Variants in RPL10A observed in about 807,000 individuals in gnomAD.
The protein encoded by RPL10A is large ribosomal subunit protein uL1.
In RPL10A, 11 loss-of-function variants were observed where a neutral mutation model predicts 24.6. The ratio of observed to expected loss-of-function variants is 0.45; its 90% CI spans 0.28 to 0.74. The LOEUF is 0.74. Among genes scored for constraint, RPL10A ranks in the 30% least tolerant of loss-of-function variants. The pLI is 0.13. For synonymous variants in RPL10A, 98 were observed against 108.5 expected, an observed-to-expected ratio of 0.90 and a Z score of 0.60; for missense variants, 136 against 273.1, an observed-to-expected ratio of 0.50 and a Z score of 3.54.
In RPL10A at chr6:35,470,091, A is replaced by G. The variant is rs1767995797; in HGVS notation, c.311-88A>G. ...TGCTTGGAGGTCACTTACATGATTG[A>G]TTCAAGTGCGTTTCTGGCCTGCCAC... On this transcript the variant is annotated intron_variant, in intron 4 of 5. Coordinates refer to ENST00000322203, the MANE Select transcript of RPL10A (RefSeq NM_007104.5). This position sits in a 1 kb window ranked among gnomAD's most constrained non-coding sequence, Gnocchi z 4.6. The G allele has an allele frequency of 1.6e-6, 2 of 1,261,626 alleles. No individual in the cohort carries two copies. The highest frequency in any genetic ancestry group is 2.4e-5 in the East Asian group (1 of 42,524). The allele number at this position is 1,261,626 out of a possible 1,614,324, so 78.2% of individuals were successfully genotyped here.
intron 1 of RPL10A, 92 bp from the exon 2 acceptor site, chr6:35,468,707 G>T: frequency 6.5e-7 from 1 of 1,536,922 alleles, no homozygotes; most frequent in Non-Finnish European, 8.8e-7. Context: ...TGGGCCGCCC[G>T]CCCGTCTCGA....
Position 35,470,468 on chromosome 6 carries a change from C to T in RPL10A, c.484-112C>T, listed in dbSNP as rs1360414510. 6.7e-7 allele frequency: 1 copy of T among 1,493,922 alleles called. No individual in the cohort carries two copies. The allele number at this position is 1,493,922 out of a possible 1,614,324, so 92.5% of individuals were successfully genotyped here. A position where few individuals can be genotyped will look rare whatever the true frequency, so the allele number is the denominator to read the frequency against. On this transcript the variant is annotated intron_variant, in intron 5 of 5. Coordinates refer to ENST00000322203, the MANE Select transcript of RPL10A (RefSeq NM_007104.5). The surrounding 1 kb of genome is among the most constrained non-coding windows in gnomAD (Gnocchi z 4.6). ...CAGGATTGAAACTTTTGGAGTAACC[C>T]TGGTCTTGGCCCGGGTCCAAGTACC...
Position 35,470,412 on chromosome 6 carries a change from A to G in RPL10A, c.483+61A>G. 1 of 1,558,124 alleles carries G rather than the reference A, an allele frequency of 6.4e-7. No individual in the cohort carries two copies. The highest frequency in any genetic ancestry group is 8.7e-7 in the Non-Finnish European group (1 of 1,150,400). On this transcript the variant is annotated intron_variant, in intron 5 of 5. Transcript: ENST00000322203. This position sits in a 1 kb window ranked among gnomAD's most constrained non-coding sequence, Gnocchi z 4.6. ...GTTGGCAGGGTCTAAATCTTATCCA[A>G]GTCTCTAAATATGCCAGTAAGAGCA...
rs1188185408 is a variant in RPL10A at position 35,470,400 on chromosome 6, A to G, written c.483+49A>G. 6.4e-7 allele frequency: 1 copy of G among 1,571,972 alleles called. No homozygotes were observed. Among genetic ancestry groups the G allele is most frequent in the Non-Finnish European group, 8.6e-7 (1 of 1,159,540 alleles). The stretch of plus-strand genomic sequence containing the variant: ...ATGGGTGAAGGTGTTGGCAGGGTCT[A>G]AATCTTATCCAAGTCTCTAAATATG... On this transcript the variant is annotated intron_variant, in intron 5 of 5. Transcript: ENST00000322203. The surrounding 1 kb of genome is among the most constrained non-coding windows in gnomAD (Gnocchi z 4.6).
chr6:35,469,436 C>T lies in RPL10A; in HGVS notation c.217C>T (p.His73Tyr). The T allele has an allele frequency of 6.2e-7, 1 of 1,613,162 alleles. No individual in the cohort carries two copies. Among genetic ancestry groups the T allele is most frequent in the Non-Finnish European group, 8.5e-7 (1 of 1,179,882 alleles). The change falls in exon 4 of 6, where the codon CAC (histidine) becomes TAC (tyrosine). Residue 73 changes from histidine to tyrosine, a missense_variant. His to Tyr is a moderately conservative substitution (Grantham distance 83). Around this residue, in one of 3 missense-constraint regions of RPL10A, gnomAD observed 88 missense variants for 149.2 expected, o/e 0.59. Coordinates refer to ENST00000322203, the MANE Select transcript of RPL10A (RefSeq NM_007104.5). Reference sequence around the variant, plus strand: ...TGTGTGTGTCCTGGGGGACCAGCAGCACTGTGACGAGGCTAAGGCCGTGGA... The same window carrying T: ...TGTGTGTGTCCTGGGGGACCAGCAGTACTGTGACGAGGCTAAGGCCGTGGA... ...FSVCVLGDQQ[H>Y]CDEAKAVDIP...
rs150793370 is a variant in RPL10A at position 35,470,183 on chromosome 6, G to A, written c.315G>A (p.Lys105=). Residue 105 remains lysine (K), a synonymous_variant, in exon 5 of 6, where the codon AAG becomes AAA. Coordinates refer to ENST00000322203, the MANE Select transcript of RPL10A (RefSeq NM_007104.5). This position sits in a 1 kb window ranked among gnomAD's most constrained non-coding sequence, Gnocchi z 4.6. The stretch of plus-strand genomic sequence containing the variant: ...ATGGCTTCCTCTCTCTATCAGCCAA[G>A]AAGTATGATGCGTTTTTGGCCTCAG... ...KNKKLVKKLA[K]KYDAFLASES... The A allele has an allele frequency of 6.0e-5, 97 of 1,612,872 alleles. No homozygotes were observed. The African/African-American group carries it at 1.2e-3, about 20-fold the overall frequency.
Position 35,469,403 on chromosome 6 carries a change from A to G in RPL10A, c.184A>G (p.Lys62Glu). 6.2e-7 allele frequency: 1 copy of G among 1,610,804 alleles called. No individual in the cohort carries two copies. Among genetic ancestry groups the G allele is most frequent in the Non-Finnish European group, 8.5e-7 (1 of 1,179,420 alleles). The change falls in exon 4 of 6, where the codon AAG becomes GAG. Residue 62 changes from lysine to glutamate, a missense_variant. Transcript: ENST00000322203. ...CAGGCTTAAGTCCACTCCCCGCCCT[A>G]AGTTCTCTGTGTGTGTCCTGGGGGA... ...TVRLKSTPRP[K>E]FSVCVLGDQQ...
rs978269010 is a variant in RPL10A at position 35,470,068 on chromosome 6, C to G, written c.311-111C>G. 4 of 998,190 alleles carry G rather than the reference C, an allele frequency of 4.0e-6. No homozygotes were observed. The highest frequency in any genetic ancestry group is 6.0e-6 in the Non-Finnish European group (4 of 671,838). 61.8% of individuals were successfully genotyped at this position (998,190 alleles called of 1,614,324 possible). ...AGGCGGGGTCTTAGAGAGGGTGCTG[C>G]TTGGAGGTCACTTACATGATTGATT... On this transcript the variant is annotated intron_variant, in intron 4 of 5. Transcript: ENST00000322203. The surrounding 1 kb of genome is among the most constrained non-coding windows in gnomAD (Gnocchi z 4.6).
Position 35,469,141 on chromosome 6 carries a change from C to A in RPL10A, c.161+114C>A, listed in dbSNP as rs188577447. ...TCGGTACTGATGTGCTAGGGTAGTTCAGACCCCCTGCTCCGGGCAGGCGCG... is the reference window on the plus strand; with the variant it reads ...TCGGTACTGATGTGCTAGGGTAGTTAAGACCCCCTGCTCCGGGCAGGCGCG... On this transcript the variant is annotated intron_variant, in intron 3 of 5. Transcript: ENST00000322203. 60 of 1,515,516 alleles carry A rather than the reference C, an allele frequency of 4.0e-5. No homozygotes were observed. In the South Asian group the frequency reaches 5.9e-4, roughly 15 times the overall value. The allele number at this position is 1,515,516 out of a possible 1,614,324, so 93.9% of individuals were successfully genotyped here.
Position 35,470,487 on chromosome 6 carries a change from A to C in RPL10A, c.484-93A>C. 1 of 1,496,198 alleles carries C rather than the reference A, an allele frequency of 6.7e-7. No individual in the cohort carries two copies. The highest frequency in any genetic ancestry group is 9.2e-7 in the Non-Finnish European group (1 of 1,092,706). The allele number at this position is 1,496,198 out of a possible 1,614,324, so 92.7% of individuals were successfully genotyped here. ...GTAACCCTGGTCTTGGCCCGGGTCC[A>C]AGTACCTGCTCACCAGGCCACTGGG... is the stretch of plus-strand genomic sequence containing the variant. On this transcript the variant is annotated intron_variant, in intron 5 of 5. Coordinates refer to ENST00000322203, the MANE Select transcript of RPL10A (RefSeq NM_007104.5). The surrounding 1 kb of genome is among the most constrained non-coding windows in gnomAD (Gnocchi z 4.6).
chr6:35,469,147 C>A, intron 3 of RPL10A, 120 bp downstream of exon 3: 1 of 1,502,276 alleles, frequency 6.7e-7, no homozygotes, highest in Non-Finnish European at 8.9e-7. Context: ...AGTTCAGACC[C>A]CCTGCTCCGG....
Position 35,468,434 on chromosome 6 carries a change from C to G in RPL10A, c.-1C>G, listed in dbSNP as rs149459928. The G allele has an allele frequency of 2.2e-4, 348 of 1,614,066 alleles. 1 individual carries two copies. Among genetic ancestry groups the G allele is most frequent in the African/African-American group, 5.1e-4 (38 of 75,052 alleles). On this transcript the variant is annotated 5_prime_UTR_variant, in exon 1 of 6. Transcript: ENST00000322203. Reference sequence around the variant, plus strand: ...TTCCGGTTAGCGCGGCGTGAGAAGCCATGAGGTGAGTTGGTCCTGAAAGCC... The same window carrying G: ...TTCCGGTTAGCGCGGCGTGAGAAGCGATGAGGTGAGTTGGTCCTGAAAGCC...
At chr6:35,469,555 A>G (rs1327880106) in intron 4 of RPL10A, 26 bp downstream of exon 4, 2 of 1,606,756 alleles carry the variant, frequency 1.2e-6, no homozygotes, top group Non-Finnish European at 8.5e-7. Context: ...GTGGTTTTGC[A>G]TGTGAGATGT....
At chr6:35,468,649 G>A in intron 1 of RPL10A, 150 bp from the exon 2 acceptor site, 1 of 1,513,618 alleles carries the variant, frequency 6.6e-7, no homozygotes, top group Non-Finnish European at 8.8e-7. Flanking sequence ...CTGGGTCTGA[G>A]CTCCCGTCGC....
rs777295070 is a variant in RPL10A, at chr6:35,470,225, G to A, written c.357G>A (p.Gln119=). The change falls in exon 5 of 6, where the codon CAG becomes CAA. Residue 119 remains glutamine, a synonymous_variant. Transcript: ENST00000322203. This position sits in a 1 kb window ranked among gnomAD's most constrained non-coding sequence, Gnocchi z 4.6. ...AFLASESLIK[Q]IPRILGPGLN... ...TGGCCTCAGAGTCTCTGATCAAGCA[G>A]ATTCCACGAATCCTCGGCCCAGGTT... The A allele has an allele frequency of 1.2e-6, 2 of 1,613,292 alleles. No individual in the cohort carries two copies. The highest frequency in any genetic ancestry group is 8.5e-7 in the Non-Finnish European group (1 of 1,179,852).
chr6:35,469,066 C>G (rs1767959731), intron 3 of RPL10A, 39 bp downstream of exon 3: 1 of 1,607,012 alleles, frequency 6.2e-7, no homozygotes, highest in Admixed American at 1.7e-5. Flanking sequence ...CTCAGTGCCC[C>G]CGTGCTTGCC....
At position 35,470,554 on chromosome 6, in the gene RPL10A, C is replaced by T; in HGVS notation, c.484-26C>T. The T allele has an allele frequency of 1.9e-6, 3 of 1,607,700 alleles. No homozygotes were observed. Among genetic ancestry groups the T allele is most frequent in the Non-Finnish European group, 2.6e-6 (3 of 1,175,184 alleles). ...ATCTGCTATTCGTCCACCAACCTGA[C>T]TTGATCCTCTCTTCCCTCCTCCCAG... is the stretch of plus-strand genomic sequence containing the variant. On this transcript the variant is annotated intron_variant, in intron 5 of 5. Coordinates refer to ENST00000322203, the MANE Select transcript of RPL10A (RefSeq NM_007104.5). The surrounding 1 kb of genome is among the most constrained non-coding windows in gnomAD (Gnocchi z 4.6).
At chr6:35,468,603 T>TCACTGAGAGCCTCCCTCTTCC in intron 1 of RPL10A, 164 bp downstream of exon 1, 1 of 1,547,316 alleles carries the variant, frequency 6.5e-7, no homozygotes, top group Non-Finnish European at 8.7e-7. Context: ...CCAGGTCCGA[T>TCACTGAGAGCCTCCCTCTTCC]CACTGAGAGC....
Position 35,470,415 on chromosome 6 carries a change from C to T in RPL10A, c.483+64C>T. On this transcript the variant is annotated intron_variant, in intron 5 of 5. Transcript: ENST00000322203. This position sits in a 1 kb window ranked among gnomAD's most constrained non-coding sequence, Gnocchi z 4.6. ...GGCAGGGTCTAAATCTTATCCAAGT[C>T]TCTAAATATGCCAGTAAGAGCACCC... is the stretch of plus-strand genomic sequence containing the variant. The T allele has an allele frequency of 1.3e-6, 2 of 1,550,760 alleles. No homozygotes were observed. Among genetic ancestry groups the T allele is most frequent in the Non-Finnish European group, 1.7e-6 (2 of 1,145,036 alleles).
Sources: allele counts gnomAD v4.1 joint callset, GRCh38; gene constraint gnomAD v4.1.1; regional missense constraint gnomAD v4.1.1; non-coding constraint Gnocchi (gnomAD v3.1); transcripts MANE v1.5; gene names NCBI Gene and HGNC (gene_info 2026-07-23, HGNC 2026-07-21).